STPG2: variants seen among roughly 807,000 people sequenced by gnomAD.
The protein encoded by STPG2 is sperm-tail PG-rich repeat-containing protein 2.
A neutral mutation model predicts 54.2 loss-of-function variants in STPG2; 56 were observed. The observed-to-expected ratio is 1.03, with a 90% CI of 0.83 to 1.29. The LOEUF is 1.29. Ranked by LOEUF, STPG2 falls within the 50% of genes most tolerant of loss-of-function variation. The pLI, the probability that STPG2 is intolerant of heterozygous loss-of-function variation, is 0.00. For missense variants in STPG2, 596 were observed against 544.9 expected (o/e 1.09, Z -0.93); for synonymous variants, 200 against 181.8 (o/e 1.10, Z -0.81).
chr4:97,978,462 G>C (rs1220514382), intron 6 of STPG2, among the ~76,000 whole-genome samples: 1 of 152,100 alleles, frequency 6.6e-6, no homozygotes, highest in Non-Finnish European at 1.5e-5. Context: ...AAAATAATGA[G>C]AACAAATGGA....
intron 5 of STPG2, among the ~76,000 whole-genome samples, chr4:98,051,114 G>A (rs377016686): frequency 1.3e-5 from 2 of 151,074 alleles, no homozygotes; most frequent in East Asian, 3.9e-4. Flanking sequence ...GCTGAATCCT[G>A]TTCACATCTT....
At chr4:97,913,180 A>C (rs1731746839) in intron 8 of STPG2, among the ~76,000 whole-genome samples, 1 of 152,204 alleles carries the variant, frequency 6.6e-6, no homozygotes, top group Non-Finnish European at 1.5e-5. Flanking sequence ...AGGAGAATAA[A>C]TAAGCTGTCC....
intron 4 of STPG2, among the ~76,000 whole-genome samples, chr4:97,549,577 G>C (rs1731919728): frequency 6.6e-6 from 1 of 152,078 alleles, no homozygotes; most frequent in African/African-American, 2.4e-5. Flanking sequence ...GCCTTATTTG[G>C]AAAAAGGGTC....
At chr4:97,813,927 C>G (rs1727828445) in intron 9 of STPG2, among the ~76,000 whole-genome samples, 1 of 151,944 alleles carries the variant, frequency 6.6e-6, no homozygotes, top group Non-Finnish European at 1.5e-5. Context: ...CAGAAAGTCA[C>G]AATTAGAATG....
chr4:98,097,250 T>G (rs1738889431), intron 5 of STPG2, among the ~76,000 whole-genome samples: 1 of 152,044 alleles, frequency 6.6e-6, no homozygotes, highest in Non-Finnish European at 1.5e-5. Flanking sequence ...CAAACCATAT[T>G]CAGCAATATA....
chr4:97,455,478 A>C (rs1434255698), intron 4 of STPG2, among the ~76,000 whole-genome samples: 1 of 152,138 alleles, frequency 6.6e-6, no homozygotes, highest in African/African-American at 2.4e-5. Flanking sequence ...AGATGTTGGC[A>C]GGCCATCAAC....
intron 10 of STPG2, among the ~76,000 whole-genome samples, chr4:97,663,499 A>G (rs887416330): frequency 6.6e-6 from 1 of 152,196 alleles, no homozygotes; most frequent in African/African-American, 2.4e-5. Context: ...ACAAAAAAGT[A>G]AATTTTTCTT....
At chr4:97,927,461 TAAAGG>T (rs1389577193) in intron 8 of STPG2, among the ~76,000 whole-genome samples, 2 of 152,054 alleles carry the variant, frequency 1.3e-5, no homozygotes, top group South Asian at 2.1e-4. Flanking sequence ...TCTCAATAAC[TAAAGG>T]AAAGTTTTAA....
chr4:98,069,943 C>T (rs907031887), intron 5 of STPG2, among the ~76,000 whole-genome samples: 19 of 151,838 alleles, frequency 1.3e-4, no homozygotes, highest in Non-Finnish European at 2.1e-4. Flanking sequence ...TGATATAAAA[C>T]GAGAGTCAGA....
At chr4:97,693,379 A>G (rs1723441827) in intron 10 of STPG2, among the ~76,000 whole-genome samples, 1 of 152,168 alleles carries the variant, frequency 6.6e-6, no homozygotes, top group African/African-American at 2.4e-5. Flanking sequence ...AACAAGCAGG[A>G]ATAGCTATTC....
intron 10 of STPG2, among the ~76,000 whole-genome samples, chr4:97,606,636 T>C (rs1182524037): frequency 6.6e-6 from 1 of 151,998 alleles, no homozygotes; most frequent in Non-Finnish European, 1.5e-5. Context: ...TTGTGAAAGA[T>C]ATTCTTTAAA....
chr4:97,506,853 A>G (rs2148837532), intron 4 of STPG2, among the ~76,000 whole-genome samples: 1 of 152,206 alleles, frequency 6.6e-6, no homozygotes, highest in African/African-American at 2.4e-5. Context: ...AGAAAAAAGG[A>G]AAGCAAAGAC....
intron 10 of STPG2, among the ~76,000 whole-genome samples, chr4:97,675,324 T>C (rs762346578): frequency 3.3e-5 from 5 of 152,138 alleles, no homozygotes; most frequent in Non-Finnish European, 7.4e-5. Flanking sequence ...TTCTCCAAGA[T>C]TTCTATGAAG....
chr4:97,901,812 C>A (rs1314919244), intron 8 of STPG2, among the ~76,000 whole-genome samples: 3 of 151,604 alleles, frequency 2.0e-5, no homozygotes, highest in Non-Finnish European at 4.4e-5. Flanking sequence ...TAAAAAAAAT[C>A]CTAAAATTCA....
At chr4:97,911,073 C>A (rs1416003108) in intron 8 of STPG2, among the ~76,000 whole-genome samples, 2 of 152,210 alleles carry the variant, frequency 1.3e-5, no homozygotes, top group Admixed American at 6.5e-5. Flanking sequence ...CTCCCAGCTC[C>A]AGCCAAGAAA....
chr4:98,034,381 C>A (rs1043250107), intron 5 of STPG2, among the ~76,000 whole-genome samples: 3 of 152,264 alleles, frequency 2.0e-5, no homozygotes, highest in East Asian at 1.9e-4. Flanking sequence ...CCTAGGAATA[C>A]AACTTACAAG....
intron 4 of STPG2, among the ~76,000 whole-genome samples, chr4:97,534,263 A>C (rs1317510280): frequency 6.6e-6 from 1 of 151,948 alleles, no homozygotes; most frequent in Non-Finnish European, 1.5e-5. Context: ...ATTATGTGTA[A>C]TTTTTATTAC....
chr4:97,780,029 G>C (rs1282708994), intron 9 of STPG2, among the ~76,000 whole-genome samples: 3 of 148,314 alleles, frequency 2.0e-5, no homozygotes, highest in Non-Finnish European at 4.5e-5. Context: ...TCAATAACGA[G>C]CAAAATAACC....
rs553237809 is a variant in STPG2 at position 97,713,608 on chromosome 4, G to A, written c.1205-794C>T. Among the ~76,000 whole-genome samples the A allele has an allele frequency of 1.4e-4, 22 of 152,308 alleles. No individual in the cohort carries two copies. In the South Asian group the frequency reaches 4.6e-3, roughly 32 times the overall value. On this transcript the variant is annotated intron_variant, in intron 9 of 10. Transcript: ENST00000295268. The stretch of plus-strand genomic sequence containing the variant: ...TGTACAACCAAGATCCCTTGCATGT[G>A]CAGTTCAGGATAGCGTTCGAGCTCC...
Sources: gnomAD v4.1 joint callset for allele counts (sites outside exome capture counted in the v4.1 genomes callset) on GRCh38, gnomAD v4.1.1 for gene constraint, MANE v1.5 for transcripts, NCBI Gene and HGNC (gene_info 2026-07-23, HGNC 2026-07-21) for gene names.